The following GPC6 variants were observed in gnomAD, a reference collection of about 807,000 sequenced individuals.
GPC6 encodes the protein glypican 6, also known as glypican-6.
GPC6 carries 14 observed loss-of-function variants against 55.2 expected under a neutral mutation model. The observed-to-expected ratio is 0.25, with a 90% CI of 0.17 to 0.40. GPC6 has a LOEUF of 0.40. Among genes scored for constraint, GPC6 ranks in the 10% least tolerant of loss-of-function variants. The probability of loss-of-function intolerance (pLI) is 1.00; values close to 1 mark genes in which losing one functional copy is unlikely to be tolerated. For synonymous variants in GPC6, 278 were observed against 259.6 expected (o/e 1.07, Z -0.68); for missense variants, 641 against 708.5 (o/e 0.90, Z 1.08).
chr13:94,268,957 G>A (rs958496727), intron 4 of GPC6, among the ~76,000 whole-genome samples: 1 of 152,200 alleles, frequency 6.6e-6, no homozygotes, highest in African/African-American at 2.4e-5. Flanking sequence ...AACCTTGGAA[G>A]CCAGGGGCTC....
At chr13:94,083,149 C>T (rs1044579598) in intron 4 of GPC6, among the ~76,000 whole-genome samples, 3 of 152,132 alleles carry the variant, frequency 2.0e-5, no homozygotes, top group Non-Finnish European at 1.5e-5. Context: ...GACGGAGTCT[C>T]GCTGTGTTGC....
chr13:94,380,317 A>G (rs1880104132), intron 6 of GPC6, among the ~76,000 whole-genome samples: 1 of 152,208 alleles, frequency 6.6e-6, no homozygotes, highest in South Asian at 2.1e-4. Flanking sequence ...TTGTTTTGAA[A>G]AGAGTAAGAA....
chr13:94,333,758 A>G (rs1175713360), intron 6 of GPC6, among the ~76,000 whole-genome samples: 1 of 152,156 alleles, frequency 6.6e-6, no homozygotes, highest in Non-Finnish European at 1.5e-5. Context: ...TCAAGTTCGG[A>G]TCCTCTGACT....
chr13:94,081,631 A>G (rs1885097591), intron 4 of GPC6, among the ~76,000 whole-genome samples: 1 of 152,186 alleles, frequency 6.6e-6, no homozygotes, highest in African/African-American at 2.4e-5. Context: ...TATGTAGGCA[A>G]AGTTGACATT....
At chr13:94,389,243 G>A (rs931791453) in intron 7 of GPC6, among the ~76,000 whole-genome samples, 1 of 152,060 alleles carries the variant, frequency 6.6e-6, no homozygotes, top group African/African-American at 2.4e-5. Context: ...TACAAATCTA[G>A]GCCTCCCAAA....
chr13:93,824,289 G>C (rs1887157834), intron 2 of GPC6, among the ~76,000 whole-genome samples: 1 of 152,232 alleles, frequency 6.6e-6, no homozygotes, highest in Non-Finnish European at 1.5e-5. Context: ...CTCAATGTGA[G>C]TTTATTCAAT....
At chr13:94,040,698 G>T (rs563437025) in intron 4 of GPC6, among the ~76,000 whole-genome samples, 2 of 151,974 alleles carry the variant, frequency 1.3e-5, no homozygotes, top group South Asian at 4.1e-4. Flanking sequence ...GAAAGGCTGA[G>T]CCTATAGGCT....
chr13:93,325,225 G>A (rs773660560), intron 1 of GPC6, among the ~76,000 whole-genome samples: 23 of 152,084 alleles, frequency 1.5e-4, no homozygotes, highest in African/African-American at 5.3e-4. Flanking sequence ...ATAAAATTAA[G>A]AGGTGGTTTT....
intron 3 of GPC6, among the ~76,000 whole-genome samples, chr13:93,913,040 C>T (rs1877091958): frequency 6.6e-6 from 1 of 152,158 alleles, no homozygotes; most frequent in Admixed American, 6.5e-5. Flanking sequence ...TTCAATATGA[C>T]CTCATTCTGA....
At position 94,337,818 on chromosome 13, in the gene GPC6, C is replaced by T. The variant is rs144486605; in HGVS notation, c.1152+31695C>T. On this transcript the variant is annotated intron_variant, in intron 6 of 8. Transcript: ENST00000377047. ...AATAATAATATCCAACGGGAGAAGA[C>T]ACAGAAAGCCCTCAGAACTGGGCCT... 1.8e-4 allele frequency among the ~76,000 whole-genome samples: 28 copies of T among 152,244 alleles called. No homozygotes were observed. The East Asian group carries it at 4.6e-3, about 25-fold the overall frequency.
chr13:93,680,673 G>A (rs1209273732), intron 2 of GPC6, among the ~76,000 whole-genome samples: 1 of 152,110 alleles, frequency 6.6e-6, no homozygotes, highest in Non-Finnish European at 1.5e-5. Flanking sequence ...GGTCCAGTCT[G>A]GTCAGTGGAA....
At chr13:93,621,101 A>G (rs551019420) in intron 2 of GPC6, among the ~76,000 whole-genome samples, 5 of 152,176 alleles carry the variant, frequency 3.3e-5, no homozygotes, top group Non-Finnish European at 5.9e-5. Context: ...CTTATGCTAC[A>G]TGAACACTAT....
chr13:93,656,445 T>C (rs1479757441), intron 2 of GPC6, among the ~76,000 whole-genome samples: 2 of 152,176 alleles, frequency 1.3e-5, no homozygotes, highest in Non-Finnish European at 2.9e-5. Context: ...TGGACCATTG[T>C]AACACTGAGC....
At chr13:94,323,204 T>G (rs562113029) in intron 6 of GPC6, among the ~76,000 whole-genome samples, 2 of 152,132 alleles carry the variant, frequency 1.3e-5, no homozygotes, top group Non-Finnish European at 2.9e-5. Context: ...CACAGCCCCT[T>G]TTAATTTGCA....
chr13:93,232,385 G>A (rs1394492990), intron 1 of GPC6, among the ~76,000 whole-genome samples: 2 of 152,108 alleles, frequency 1.3e-5, no homozygotes, highest in African/African-American at 4.8e-5. Context: ...ATTTCTAAAA[G>A]AATCACATTA....
At chr13:93,343,290 A>G (rs1880322221) in intron 1 of GPC6, among the ~76,000 whole-genome samples, 1 of 152,156 alleles carries the variant, frequency 6.6e-6, no homozygotes, top group Non-Finnish European at 1.5e-5. Context: ...AGTTTAACAC[A>G]TTCATTTGGA....
At chr13:93,474,674 T>C (rs1343867176) in intron 1 of GPC6, among the ~76,000 whole-genome samples, 1 of 152,206 alleles carries the variant, frequency 6.6e-6, no homozygotes, top group African/African-American at 2.4e-5. Flanking sequence ...CTGATCTTCT[T>C]CTCTACTCTT....
At chr13:94,127,463 C>A (rs1439860189) in intron 4 of GPC6, among the ~76,000 whole-genome samples, 2 of 152,068 alleles carry the variant, frequency 1.3e-5, no homozygotes, top group South Asian at 2.1e-4. Flanking sequence ...TGATTGGAAG[C>A]TTCCTGAGGC....
intron 4 of GPC6, among the ~76,000 whole-genome samples, chr13:94,271,352 AAATACACACACACACGCGCG>A (rs908904197): frequency 6.5e-5 from 9 of 137,972 alleles, no homozygotes; most frequent in Non-Finnish European, 1.2e-4. Flanking sequence ...CACACTTGTT[AAATACACACACACACGCGCG>A]CGCGCGCGCG....
Sources: gnomAD v4.1 joint callset for allele counts (sites outside exome capture counted in the v4.1 genomes callset) on GRCh38, gnomAD v4.1.1 for gene constraint, MANE v1.5 for transcripts, NCBI Gene and HGNC (gene_info 2026-07-23, HGNC 2026-07-21) for gene names.